Variants in VPS13B observed in about 807,000 individuals in gnomAD.
VPS13B encodes vacuolar protein sorting 13 homolog B.
A neutral mutation model predicts 426.4 loss-of-function variants in VPS13B; 285 were observed. That is an observed-to-expected ratio of 0.67 (90% CI 0.61 to 0.74). VPS13B has a LOEUF of 0.74. VPS13B is among the 30% of genes least tolerant of loss of function. The pLI is 0.00. For synonymous variants in VPS13B, 1,676 were observed against 1,676.4 expected (o/e 1.00, Z 0.01); for missense variants, 4,537 against 4,782.6 (o/e 0.95, Z 1.51).
intron 3 of VPS13B, among the ~76,000 whole-genome samples, chr8:99,049,500 T>C (rs1843415986): frequency 6.6e-6 from 1 of 152,148 alleles, no homozygotes; most frequent in South Asian, 2.1e-4. Context: ...CAATCCCTTC[T>C]AGCTTGTAGG....
At chr8:99,360,118 T>TTTTCTTTCTTTC (rs1812419830) in intron 19 of VPS13B, among the ~76,000 whole-genome samples, 1 of 123,276 alleles carries the variant, frequency 8.1e-6, no homozygotes, top group Non-Finnish European at 1.7e-5. Flanking sequence ...TTTTTTTTCC[T>TTTTCTTTCTTTC]TATCTTTCTT....
chr8:99,829,848 C>T (rs193129008), intron 51 of VPS13B, among the ~76,000 whole-genome samples: 2 of 152,346 alleles, frequency 1.3e-5, no homozygotes, highest in East Asian at 3.9e-4. Flanking sequence ...TTCTAACAAT[C>T]AGGCCCCTCT....
chr8:99,149,995 G>T (rs1810973600), intron 14 of VPS13B, among the ~76,000 whole-genome samples: 1 of 152,072 alleles, frequency 6.6e-6, no homozygotes, highest in South Asian at 2.1e-4. Context: ...CAGAAAGGTT[G>T]GTGTCCGCTG....
intron 3 of VPS13B, among the ~76,000 whole-genome samples, chr8:99,067,796 A>T (rs1844618447): frequency 6.6e-6 from 1 of 152,228 alleles, no homozygotes; most frequent in Non-Finnish European, 1.5e-5. Context: ...CATCAAAAGT[A>T]TTACTGAGAA....
intron 35 of VPS13B, among the ~76,000 whole-genome samples, chr8:99,684,252 A>C (rs1287170313): frequency 1.3e-5 from 2 of 152,190 alleles, no homozygotes; most frequent in African/African-American, 4.8e-5. Flanking sequence ...AGGAATATCC[A>C]TGTATATTGT....
chr8:99,790,532 A>G (rs1296537844), intron 43 of VPS13B, among the ~76,000 whole-genome samples: 2 of 152,182 alleles, frequency 1.3e-5, no homozygotes, highest in African/African-American at 4.8e-5. Flanking sequence ...TCAGGATATC[A>G]TTGCAGTAGT....
intron 8 of VPS13B, among the ~76,000 whole-genome samples, chr8:99,129,551 A>G (rs1421040780): frequency 6.7e-6 from 1 of 148,844 alleles, no homozygotes; most frequent in African/African-American, 2.5e-5. Context: ...TGGGTGACCA[A>G]GCAAGACTGT....
intron 33 of VPS13B, among the ~76,000 whole-genome samples, chr8:99,580,925 A>T (rs1019320419): frequency 1.1e-4 from 16 of 148,802 alleles, no homozygotes; most frequent in African/African-American, 3.5e-4. Flanking sequence ...CGGGCAGATC[A>T]CTTGAGCTTA....
At chr8:99,681,925 G>T (rs1831170037) in intron 35 of VPS13B, among the ~76,000 whole-genome samples, 1 of 152,028 alleles carries the variant, frequency 6.6e-6, no homozygotes, top group African/African-American at 2.4e-5. Flanking sequence ...CCAATCCACT[G>T]GTCTGAGAAA....
At chr8:99,027,154 T>A (rs758589381) in intron 2 of VPS13B, among the ~76,000 whole-genome samples, 2 of 152,176 alleles carry the variant, frequency 1.3e-5, no homozygotes, top group Non-Finnish European at 2.9e-5. Context: ...TGGGAGTACA[T>A]GTGTGAGCCA....
intron 19 of VPS13B, among the ~76,000 whole-genome samples, chr8:99,280,088 C>T (rs772346408): frequency 5.3e-5 from 8 of 152,114 alleles, no homozygotes; most frequent in Non-Finnish European, 1.2e-4. Context: ...AATTTCTGAG[C>T]CAGTGTTAAG....
chr8:99,359,871 T>G (rs1050345827), intron 19 of VPS13B, among the ~76,000 whole-genome samples: 3 of 152,202 alleles, frequency 2.0e-5, no homozygotes, highest in African/African-American at 7.2e-5. Flanking sequence ...GATAAGATCT[T>G]GGCTCACTGC....
intron 31 of VPS13B, among the ~76,000 whole-genome samples, chr8:99,572,542 G>C (rs2133801426): frequency 6.6e-6 from 1 of 151,786 alleles, no homozygotes; most frequent in African/African-American, 2.4e-5. Flanking sequence ...CTATGAGTGA[G>C]AACATTCGGT....
chr8:99,582,650 C>T (rs768167318), intron 33 of VPS13B, among the ~76,000 whole-genome samples: 1 of 151,728 alleles, frequency 6.6e-6, no homozygotes, highest in East Asian at 1.9e-4. Flanking sequence ...GCCACATTTT[C>T]TTTTTTTTCT....
chr8:99,840,094 G>A (rs1490842476), intron 54 of VPS13B, among the ~76,000 whole-genome samples: 1 of 152,186 alleles, frequency 6.6e-6, no homozygotes, highest in East Asian at 1.9e-4. Flanking sequence ...GAACACTCTA[G>A]TGTGTTATGT....
chr8:99,545,011 T>G (rs866203040), intron 30 of VPS13B, among the ~76,000 whole-genome samples: 2 of 152,264 alleles, frequency 1.3e-5, no homozygotes, highest in Middle Eastern at 3.4e-3. Flanking sequence ...ATAATTCTGT[T>G]TGGCCTTTTT....
chr8:99,547,375 T>C lies in VPS13B; in HGVS notation c.4746-9075T>C, dbSNP rs986388393. ...ATTACTGTCACTTATGGAGACTTGGTGATAAATATGTAGACATTTAATTTA... is the reference window on the plus strand; with the variant it reads ...ATTACTGTCACTTATGGAGACTTGGCGATAAATATGTAGACATTTAATTTA... On this transcript the variant is annotated intron_variant, in intron 30 of 61. Coordinates refer to ENST00000357162, the MANE Select transcript of VPS13B (RefSeq NM_152564.5). Among the ~76,000 whole-genome samples, 4 of 152,088 alleles carry C rather than the reference T, an allele frequency of 2.6e-5. 1 individual carries two copies. The South Asian group carries it at 6.2e-4, about 24-fold the overall frequency.
At chr8:99,311,075 G>A (rs1820941583) in intron 19 of VPS13B, among the ~76,000 whole-genome samples, 1 of 151,746 alleles carries the variant, frequency 6.6e-6, no homozygotes, top group Non-Finnish European at 1.5e-5. Context: ...TTCTTTATTA[G>A]TCTTGCTTTG....
At chr8:99,848,711 A>G in intron 54 of VPS13B, 65 bp from the exon 55 acceptor site, 1 of 1,462,104 alleles carries the variant, frequency 6.8e-7, no homozygotes, top group African/African-American at 1.4e-5. Flanking sequence ...AGACATTTGA[A>G]GTCAAGCCAC....
Sources: gnomAD v4.1 joint callset for allele counts (sites outside exome capture counted in the v4.1 genomes callset) on GRCh38, gnomAD v4.1.1 for gene constraint, MANE v1.5 for transcripts, NCBI Gene and HGNC (gene_info 2026-07-23, HGNC 2026-07-21) for gene names.